Variants in PHACTR3 observed in about 807,000 individuals in gnomAD.
PHACTR3 encodes the protein phosphatase and actin regulator 3.
In PHACTR3, 16 loss-of-function variants were observed where a neutral mutation model predicts 66.8. The ratio of observed to expected loss-of-function variants is 0.24; its 90% confidence interval spans 0.16 to 0.36. The LOEUF is 0.36. PHACTR3 is among the 10% of genes least tolerant of loss of function. The probability of loss-of-function intolerance (pLI) is 1.00; values close to 1 mark genes in which losing one functional copy is unlikely to be tolerated. For missense variants in PHACTR3, 647 were observed against 719.9 expected (o/e 0.90, Z 1.16); for synonymous variants, 323 against 292.1 (o/e 1.11, Z -1.08).
intron 1 of PHACTR3, among the ~76,000 whole-genome samples, chr20:59,662,524 C>T (rs1246490584): frequency 6.6e-6 from 1 of 152,086 alleles, no homozygotes; most frequent in African/African-American, 2.4e-5. Flanking sequence ...GAAGCATGCA[C>T]GTTGCTAATG....
chr20:59,666,880 T>TCCTTACA (rs1474475488), intron 1 of PHACTR3, among the ~76,000 whole-genome samples: 2 of 152,230 alleles, frequency 1.3e-5, no homozygotes, highest in African/African-American at 4.8e-5. Context: ...GGGCTTCTGG[T>TCCTTACA]CCTTACACGG....
intron 1 of PHACTR3, among the ~76,000 whole-genome samples, chr20:59,617,630 T>G (rs1040848561): frequency 2.6e-5 from 4 of 152,168 alleles, no homozygotes; most frequent in African/African-American, 9.7e-5. Context: ...GTTGTTCACT[T>G]TAGCACCCAG....
intron 1 of PHACTR3, among the ~76,000 whole-genome samples, chr20:59,592,376 A>G (rs982056329): frequency 5.9e-5 from 9 of 152,158 alleles, no homozygotes; most frequent in African/African-American, 1.2e-4. Context: ...CCCAACATAC[A>G]TAGCTCCACA....
At chr20:59,716,973 C>T (rs894823434) in intron 1 of PHACTR3, among the ~76,000 whole-genome samples, 2 of 151,980 alleles carry the variant, frequency 1.3e-5, no homozygotes, top group Non-Finnish European at 2.9e-5. Flanking sequence ...ACTGGGTGCT[C>T]TCTTAGTGTT....
At chr20:59,646,042 G>A (rs735011) in intron 1 of PHACTR3, among the ~76,000 whole-genome samples, 21,741 of 152,174 alleles carry the variant, frequency 0.14, 1,724 homozygotes, top group East Asian at 0.32. Context: ...GCCCAGTCCC[G>A]TGGGCAGTTC....
intron 4 of PHACTR3, among the ~76,000 whole-genome samples, chr20:59,761,858 T>G (rs2040002638): frequency 6.6e-6 from 1 of 152,222 alleles, no homozygotes; most frequent in Non-Finnish European, 1.5e-5. Flanking sequence ...TGGTTGAGAC[T>G]GCATTTGGTA....
chr20:59,693,536 T>C (rs1461466244), intron 1 of PHACTR3, among the ~76,000 whole-genome samples: 2 of 152,194 alleles, frequency 1.3e-5, no homozygotes, highest in African/African-American at 2.4e-5. Context: ...ATAGACTCAA[T>C]AGACTCTTAG....
At chr20:59,596,341 C>A (rs2033325864) in intron 1 of PHACTR3, among the ~76,000 whole-genome samples, 1 of 152,170 alleles carries the variant, frequency 6.6e-6, no homozygotes, top group Admixed American at 6.5e-5. Flanking sequence ...AGGCTTTCAC[C>A]ATGTTGACCA....
intron 1 of PHACTR3, among the ~76,000 whole-genome samples, chr20:59,643,745 C>G (rs903917345): frequency 6.6e-6 from 1 of 152,108 alleles, no homozygotes; most frequent in East Asian, 1.9e-4. Context: ...GTGGAGTGTT[C>G]AGGGCAAATG....
chr20:59,683,026 A>G (rs932452174), intron 1 of PHACTR3, among the ~76,000 whole-genome samples: 3 of 152,198 alleles, frequency 2.0e-5, no homozygotes, highest in Non-Finnish European at 4.4e-5. Flanking sequence ...CATTGCTGCA[A>G]TCCAGGCGGG....
chr20:59,649,844 G>A (rs767527266), intron 1 of PHACTR3, among the ~76,000 whole-genome samples: 6 of 152,168 alleles, frequency 3.9e-5, no homozygotes, highest in South Asian at 4.2e-4. Flanking sequence ...GGTTTTAAAG[G>A]TTCCTGTTTT....
At chr20:59,581,833 A>G (rs1416966611) in intron 1 of PHACTR3, among the ~76,000 whole-genome samples, 2 of 151,588 alleles carry the variant, frequency 1.3e-5, no homozygotes, top group Admixed American at 6.6e-5. Flanking sequence ...GTGAGACGAC[A>G]TTGCTCCACT....
intron 1 of PHACTR3, among the ~76,000 whole-genome samples, chr20:59,670,166 C>T (rs1218919682): frequency 1.3e-5 from 2 of 152,192 alleles, no homozygotes; most frequent in African/African-American, 2.4e-5. Flanking sequence ...TGACCAACAA[C>T]AAATAGCTAT....
At position 59,773,368 on chromosome 20, in the gene PHACTR3, C is replaced by A. The variant is rs774971473; in HGVS notation, c.841C>A (p.Leu281Ile). The A allele has an allele frequency of 1.9e-6, 3 of 1,614,186 alleles. No homozygotes were observed. The highest frequency in any genetic ancestry group is 4.5e-5 in the East Asian group (2 of 44,872). Reference protein sequence around the residue: ...QLSTPTGSPHLTTVHRPLPPS... With the variant: ...QLSTPTGSPHITTVHRPLPPS... ...CTCCACACCCACGGGGTCTCCGCAT[C>A]TCACCACGGTCCACCGGCCTCTTCC... is the stretch of plus-strand genomic sequence containing the variant. Residue 281 changes from leucine to isoleucine, a missense_variant, in exon 6 of 13, where the codon CTC becomes ATC. Transcript: ENST00000371015.
chr20:59,652,825 C>A (rs1343165516), intron 1 of PHACTR3, among the ~76,000 whole-genome samples: 1 of 151,970 alleles, frequency 6.6e-6, no homozygotes, highest in Non-Finnish European at 1.5e-5. Context: ...ATTAACATCA[C>A]AATCATTGAG....
chr20:59,598,087 G>T (rs1342807524), intron 1 of PHACTR3, among the ~76,000 whole-genome samples: 1 of 152,190 alleles, frequency 6.6e-6, no homozygotes, highest in African/African-American at 2.4e-5. Flanking sequence ...TGGGTCAGTG[G>T]CCCATGACAC....
intron 6 of PHACTR3, among the ~76,000 whole-genome samples, chr20:59,773,982 C>T (rs1194725877): frequency 2.0e-5 from 3 of 152,232 alleles, no homozygotes; most frequent in East Asian, 1.9e-4. Flanking sequence ...GTGAAGTCCT[C>T]GCCCTGAACA....
At position 59,619,846 on chromosome 20, in the gene PHACTR3, T is replaced by C. The variant is rs186654604; in HGVS notation, c.118+14714T>C. ...CCCTGGCGGAGCTGAGAAGCAAAGC[T>C]GTGTGGCCAGACTCTGATGCTCCTG... On this transcript the variant is annotated intron_variant, in intron 1 of 12. Transcript: ENST00000371015. Among the ~76,000 whole-genome samples the C allele has an allele frequency of 2.0e-5, 3 of 152,312 alleles. No individual in the cohort carries two copies. In the East Asian group the frequency reaches 5.8e-4, roughly 29 times the overall value.
Position 59,604,630 on chromosome 20 carries a change from G to T in PHACTR3, c.-385G>T. ...GGGGTGGGGGGAGGGAGCGCCCCCA[G>T]ACATTCCAGGACATCACCCCCTGCC... On this transcript the variant is annotated 5_prime_UTR_variant, in exon 1 of 13. Coordinates refer to ENST00000371015, the MANE Select transcript of PHACTR3 (RefSeq NM_080672.5). The T allele has an allele frequency of 1.0e-6, 1 of 982,652 alleles. No homozygotes were observed. Among genetic ancestry groups the T allele is most frequent in the South Asian group, 4.7e-5 (1 of 21,152 alleles). The allele number at this position is 982,652 out of a possible 1,614,324, so 60.9% of individuals were successfully genotyped here.
Sources: gnomAD v4.1 joint callset for allele counts (sites outside exome capture counted in the v4.1 genomes callset) on GRCh38, gnomAD v4.1.1 for gene constraint, MANE v1.5 for transcripts, NCBI Gene and HGNC (gene_info 2026-07-23, HGNC 2026-07-21) for gene names.